Variants in GRIP1 observed in about 807,000 individuals in gnomAD.
The protein encoded by GRIP1 is glutamate receptor interacting protein 1, also known as glutamate receptor-interacting protein 1.
Under a neutral mutation model 129.9 loss-of-function variants are expected in GRIP1, and 45 were observed. That is an observed-to-expected ratio of 0.35 (90% CI 0.27 to 0.44). The LOEUF is 0.44. GRIP1 is among the 20% of genes least tolerant of loss of function. The pLI, the probability that GRIP1 is intolerant of heterozygous loss-of-function variation, is 1.00. For synonymous variants in GRIP1, 530 were observed against 520.8 expected, an observed-to-expected ratio of 1.02 and a Z score of -0.24; for missense variants, 1,196 against 1,396.8, an observed-to-expected ratio of 0.86 and a Z score of 2.29.
chr12:66,863,163 G>A (rs1033015842), intron 1 of GRIP1, among the ~76,000 whole-genome samples: 1 of 151,998 alleles, frequency 6.6e-6, no homozygotes, highest in Non-Finnish European at 1.5e-5. Context: ...AATTACTTAC[G>A]ATTCCCCAAA....
At chr12:66,408,018 C>T (rs902961554) in intron 15 of GRIP1, among the ~76,000 whole-genome samples, 6 of 152,148 alleles carry the variant, frequency 3.9e-5, no homozygotes, top group Admixed American at 6.5e-5. Flanking sequence ...AGCCATAGTA[C>T]GACAGGGCAC....
At chr12:66,723,295 TCTTTCTTTC>T (rs1565988058) in intron 1 of GRIP1, among the ~76,000 whole-genome samples, 3 of 19,608 alleles carry the variant, frequency 1.5e-4, no homozygotes, top group East Asian at 1.4e-3. Context: ...TTTCTTTCTT[TCTTTCTTTC>T]TTTTTTTTTT....
chr12:66,573,135 T>C (rs1226673353), intron 2 of GRIP1, among the ~76,000 whole-genome samples: 1 of 152,146 alleles, frequency 6.6e-6, no homozygotes, highest in Non-Finnish European at 1.5e-5. Flanking sequence ...CTGTAGCACC[T>C]ATCATGCTCA....
intron 2 of GRIP1, among the ~76,000 whole-genome samples, chr12:66,572,577 G>A (rs1273920438): frequency 6.6e-6 from 1 of 152,178 alleles, no homozygotes; most frequent in Non-Finnish European, 1.5e-5. Flanking sequence ...AAGTAGTAAT[G>A]AACTCAGGAC....
At chr12:66,814,001 C>T (rs997332415) in intron 1 of GRIP1, among the ~76,000 whole-genome samples, 8 of 152,062 alleles carry the variant, frequency 5.3e-5, no homozygotes, top group Non-Finnish European at 1.0e-4. Flanking sequence ...AAGGATAATA[C>T]TGTGATAGTA....
intron 15 of GRIP1, among the ~76,000 whole-genome samples, chr12:66,420,429 T>TG (rs965616705): frequency 6.6e-6 from 1 of 151,310 alleles, no homozygotes; most frequent in Non-Finnish European, 1.5e-5. Context: ...TTTTTTTTTT[T>TG]TTTTGGTCAG....
At chr12:66,697,991 C>A (rs114362270) in intron 1 of GRIP1, among the ~76,000 whole-genome samples, 1,968 of 152,228 alleles carry the variant, frequency 0.013, 41 homozygotes, top group African/African-American at 0.044. Context: ...TAGAAAAAAT[C>A]TTCAGTATGC....
In GRIP1 at chr12:66,539,545, C is replaced by CTTTTTTTTTTTTTTTTT. The variant is rs35373698; in HGVS notation, c.273-339_273-323dup. Among the ~76,000 whole-genome samples the CTTTTTTTTTTTTTTTTT allele has an allele frequency of 4.3e-3, 253 of 59,302 alleles. 25 individuals are homozygous for CTTTTTTTTTTTTTTTTT. Among genetic ancestry groups the CTTTTTTTTTTTTTTTTT allele is most frequent in the African/African-American group, 5.1e-3 (79 of 15,504 alleles). 38.9% of individuals were successfully genotyped at this position (59,302 alleles called of 152,430 possible). A position where few individuals can be genotyped will look rare whatever the true frequency, so the allele number is the denominator to read the frequency against. ...CACCATAAAACAAAATCAAGAGAAG[C>CTTTTTTTTTTTTTTTTT]TTTTTTTTTTTTTTTTTTTTTTTTC... On this transcript the variant is annotated intron_variant, in intron 3 of 24. Transcript: ENST00000359742.
At chr12:66,653,812 A>T (rs1165486559) in intron 1 of GRIP1, among the ~76,000 whole-genome samples, 1 of 152,186 alleles carries the variant, frequency 6.6e-6, no homozygotes, top group Non-Finnish European at 1.5e-5. Context: ...CAAAAACAAG[A>T]TTTATACCTC....
At chr12:66,656,568 G>A (rs963736922) in intron 1 of GRIP1, among the ~76,000 whole-genome samples, 1 of 151,892 alleles carries the variant, frequency 6.6e-6, no homozygotes, top group Non-Finnish European at 1.5e-5. Context: ...CTTATGGTAC[G>A]GCATATTTCA....
At chr12:66,742,442 A>T (rs905685120) in intron 1 of GRIP1, among the ~76,000 whole-genome samples, 3 of 152,180 alleles carry the variant, frequency 2.0e-5, no homozygotes, top group Admixed American at 1.3e-4. Flanking sequence ...GACTACCAGC[A>T]CCTCAAGAAG....
chr12:67,007,775 T>G (rs917373820), intron 1 of GRIP1, among the ~76,000 whole-genome samples: 1 of 152,180 alleles, frequency 6.6e-6, no homozygotes, highest in African/African-American at 2.4e-5. Context: ...AAAGATAATT[T>G]TCTTGCACAA....
At chr12:66,647,675 A>T (rs1191760321) in intron 1 of GRIP1, among the ~76,000 whole-genome samples, 1 of 152,186 alleles carries the variant, frequency 6.6e-6, no homozygotes, top group Non-Finnish European at 1.5e-5. Flanking sequence ...GGAACAAACA[A>T]ATCCAACATC....
intron 1 of GRIP1, among the ~76,000 whole-genome samples, chr12:66,836,529 T>C (rs1238734628): frequency 6.6e-6 from 1 of 152,132 alleles, no homozygotes; most frequent in Non-Finnish European, 1.5e-5. Context: ...CTCCCTTAAA[T>C]TGATTTCACT....
chr12:66,470,067 A>T (rs914023171), intron 7 of GRIP1, among the ~76,000 whole-genome samples: 2 of 152,170 alleles, frequency 1.3e-5, no homozygotes, highest in African/African-American at 4.8e-5. Flanking sequence ...CATCTCCATG[A>T]TCACCACCTT....
intron 1 of GRIP1, among the ~76,000 whole-genome samples, chr12:66,981,729 A>T (rs1261212867): frequency 6.6e-6 from 1 of 152,204 alleles, no homozygotes; most frequent in Non-Finnish European, 1.5e-5. Context: ...ATTTTTCAAA[A>T]ATAAAGGAAG....
intron 1 of GRIP1, among the ~76,000 whole-genome samples, chr12:67,062,331 T>C (rs532955279): frequency 5.3e-5 from 8 of 152,214 alleles, no homozygotes; most frequent in African/African-American, 1.9e-4. Context: ...AGTATGTTCA[T>C]ACTCTACACT....
At chr12:66,371,611 T>G (rs1046714148) in intron 23 of GRIP1, 83 bp downstream of exon 23, 23 of 869,548 alleles carry the variant, frequency 2.6e-5, no homozygotes, top group Non-Finnish European at 4.6e-5. Context: ...AGGATACCAT[T>G]GCCATGCTTA....
At chr12:66,949,836 C>T (rs529215211) in intron 1 of GRIP1, among the ~76,000 whole-genome samples, 106 of 140,446 alleles carry the variant, frequency 7.5e-4, no homozygotes, top group Non-Finnish European at 3.3e-4. Context: ...GGCGTGATCT[C>T]GGCTCACTGC....
Sources: allele counts gnomAD v4.1 joint callset (sites outside exome capture counted in the v4.1 genomes callset), GRCh38; gene constraint gnomAD v4.1.1; transcripts MANE v1.5; gene names NCBI Gene and HGNC (gene_info 2026-07-23, HGNC 2026-07-21).